Variants in DLC1 observed in about 807,000 individuals in gnomAD.
DLC1 encodes rho GTPase-activating protein 7.
In DLC1, 54 loss-of-function variants were observed where a neutral mutation model predicts 140.3. The observed-to-expected ratio is 0.38, with a 90% confidence interval of 0.31 to 0.48. The LOEUF is 0.48. Ranked by LOEUF, DLC1 falls within the 20% of genes least tolerant of loss-of-function variation. The pLI, the probability that DLC1 is intolerant of heterozygous loss-of-function variation, is 0.96. For missense variants in DLC1, 2,536 were observed against 1,907.0 expected (o/e 1.33, Z -6.14); for synonymous variants, 986 against 728.1 (o/e 1.35, Z -5.70).
At chr8:13,259,697 T>C (rs1830402725) in intron 5 of DLC1, among the ~76,000 whole-genome samples, 1 of 152,162 alleles carries the variant, frequency 6.6e-6, no homozygotes, top group Admixed American at 6.5e-5. Flanking sequence ...ATAGAAATGT[T>C]GGCTTATTTG....
rs1046486357 is a variant in DLC1, at chr8:13,160,270, C to G, written c.1349-44613G>C. 2.0e-5 allele frequency: 3 copies of G among 152,166 alleles called. 1 individual carries two copies. The highest frequency in any genetic ancestry group is 4.4e-5 in the Non-Finnish European group (3 of 68,052). 9.4% of individuals were successfully genotyped at this position (152,166 alleles called of 1,614,324 possible). ...TCTCCACGCCCGCTGCTTCACTTGA[C>G]TAGCCTAAAAAAATAAAAAAATTAA... On this transcript the variant is annotated intron_variant, in intron 5 of 17. Transcript: ENST00000276297.
chr8:13,213,591 A>G (rs959736488), intron 5 of DLC1, among the ~76,000 whole-genome samples: 3 of 152,178 alleles, frequency 2.0e-5, no homozygotes, highest in African/African-American at 4.8e-5. Context: ...AGAGGCTTTC[A>G]TTTCCGGCGA....
At chr8:13,136,481 A>G (rs888701318) in intron 5 of DLC1, among the ~76,000 whole-genome samples, 1 of 152,188 alleles carries the variant, frequency 6.6e-6, no homozygotes, top group African/African-American at 2.4e-5. Context: ...AATGGCCTCC[A>G]GCTGCATTCA....
At chr8:13,198,929 C>G (rs1367581684) in intron 5 of DLC1, among the ~76,000 whole-genome samples, 2 of 152,004 alleles carry the variant, frequency 1.3e-5, no homozygotes, top group East Asian at 1.9e-4. Context: ...GTTGGCCAGA[C>G]TGGTCCCAAA....
chr8:13,402,882 A>C (rs996742097), intron 2 of DLC1, among the ~76,000 whole-genome samples: 2 of 152,182 alleles, frequency 1.3e-5, no homozygotes, highest in Non-Finnish European at 2.9e-5. Flanking sequence ...ATCTAATTTT[A>C]TAGAACTCTG....
At chr8:13,483,189 CT>C (rs1800816381) in intron 2 of DLC1, among the ~76,000 whole-genome samples, 1 of 152,162 alleles carries the variant, frequency 6.6e-6, no homozygotes, top group Non-Finnish European at 1.5e-5. Context: ...ATGTCTGCTC[CT>C]CTTCTGTCTC....
At chr8:13,376,481 C>T (rs79699855) in intron 4 of DLC1, among the ~76,000 whole-genome samples, 5,628 of 152,232 alleles carry the variant, frequency 0.037, 126 homozygotes, top group African/African-American at 0.054. Flanking sequence ...CCTCTTCTCC[C>T]TGCCTGCAAC....
intron 5 of DLC1, among the ~76,000 whole-genome samples, chr8:13,134,906 G>A (rs1170888366): frequency 1.3e-5 from 2 of 152,192 alleles, no homozygotes; most frequent in East Asian, 3.9e-4. Context: ...ATGTTTCCAG[G>A]CTTTTTACCT....
intron 4 of DLC1, among the ~76,000 whole-genome samples, chr8:13,326,174 G>A (rs1475074148): frequency 5.3e-5 from 8 of 152,184 alleles, no homozygotes; most frequent in African/African-American, 1.9e-4. Flanking sequence ...TATACTGCAA[G>A]GCAATGATGA....
At chr8:13,491,818 CT>C in intron 2 of DLC1, among the ~76,000 whole-genome samples, 1 of 152,190 alleles carries the variant, frequency 6.6e-6, no homozygotes, top group East Asian at 1.9e-4. Context: ...TTAAGTTCTT[CT>C]GCATCTTTAT....
intron 5 of DLC1, among the ~76,000 whole-genome samples, chr8:13,182,586 C>A (rs1393147232): frequency 6.6e-6 from 1 of 151,988 alleles, no homozygotes; most frequent in African/African-American, 2.4e-5. Flanking sequence ...GAATCTTTTC[C>A]CCATTTCTTG....
At chr8:13,205,072 G>C (rs1342324086) in intron 5 of DLC1, among the ~76,000 whole-genome samples, 1 of 151,870 alleles carries the variant, frequency 6.6e-6, no homozygotes, top group Non-Finnish European at 1.5e-5. Context: ...TAGACCAGAT[G>C]GCATTATTGG....
At chr8:13,508,160 T>C (rs1347842370) in intron 1 of DLC1, among the ~76,000 whole-genome samples, 1 of 152,190 alleles carries the variant, frequency 6.6e-6, no homozygotes, top group Non-Finnish European at 1.5e-5. Flanking sequence ...CTTCCAGTAG[T>C]GTCTAATTTT....
At chr8:13,208,655 G>T (rs1037636996) in intron 5 of DLC1, among the ~76,000 whole-genome samples, 8 of 151,758 alleles carry the variant, frequency 5.3e-5, no homozygotes, top group African/African-American at 1.9e-4. Context: ...CTTTGGAACC[G>T]TGGCTTAAGG....
At chr8:13,277,759 G>T (rs1319073205) in intron 5 of DLC1, among the ~76,000 whole-genome samples, 1 of 151,908 alleles carries the variant, frequency 6.6e-6, no homozygotes, top group Non-Finnish European at 1.5e-5. Context: ...CTTAATATTG[G>T]CATAAGACAT....
intron 1 of DLC1, among the ~76,000 whole-genome samples, chr8:13,594,741 C>A (rs1340702552): frequency 2.0e-5 from 3 of 151,266 alleles, no homozygotes; most frequent in Admixed American, 1.3e-4. Flanking sequence ...CAGACAGCAA[C>A]TGAACACCTT....
rs935940480 is a variant in DLC1 at position 13,474,624 on chromosome 8, C to T, written c.1023+24425G>A. 5.0e-4 allele frequency among the ~76,000 whole-genome samples: 76 copies of T among 152,194 alleles called. 1 individual carries two copies. Among genetic ancestry groups the T allele is most frequent in the Non-Finnish European group, 2.1e-4 (14 of 68,044 alleles). On this transcript the variant is annotated intron_variant, in intron 2 of 17. Coordinates refer to ENST00000276297, the MANE Select transcript of DLC1 (RefSeq NM_182643.3). ...GGAGAGGGGCTAAAACCTGCAAAGCCACATGGGCGGAGCCACACGGGTGGA... is the reference window on the plus strand; with the variant it reads ...GGAGAGGGGCTAAAACCTGCAAAGCTACATGGGCGGAGCCACACGGGTGGA...
chr8:13,231,100 T>C (rs2117199633), intron 5 of DLC1, among the ~76,000 whole-genome samples: 1 of 152,158 alleles, frequency 6.6e-6, no homozygotes, highest in Admixed American at 6.5e-5. Flanking sequence ...CAGACAAAAG[T>C]GGGGCCTGGT....
intron 4 of DLC1, among the ~76,000 whole-genome samples, chr8:13,325,969 T>A (rs1179732465): frequency 2.0e-5 from 3 of 152,196 alleles, no homozygotes; most frequent in Non-Finnish European, 4.4e-5. Context: ...ACACTTGATA[T>A]TGGCATTGCA....
Sources: gnomAD v4.1 joint callset for allele counts (sites outside exome capture counted in the v4.1 genomes callset) on GRCh38, gnomAD v4.1.1 for gene constraint, MANE v1.5 for transcripts, NCBI Gene and HGNC (gene_info 2026-07-23, HGNC 2026-07-21) for gene names.